Variants in AGBL1 observed in about 807,000 individuals in gnomAD.
The protein encoded by AGBL1 is AGBL carboxypeptidase 1, also known as cytosolic carboxypeptidase 4.
AGBL1 carries 130 observed loss-of-function variants against 118.9 expected under a neutral mutation model. The ratio of observed to expected loss-of-function variants is 1.09; its 90% CI spans 0.95 to 1.26. The LOEUF is 1.26. Ranked by LOEUF, AGBL1 falls within the 50% of genes most tolerant of loss-of-function variation. The pLI is 0.00. For synonymous variants in AGBL1, 555 were observed against 478.9 expected, an observed-to-expected ratio of 1.16 and a Z score of -2.08; for missense variants, 1,584 against 1,298.1, an observed-to-expected ratio of 1.22 and a Z score of -3.38.
chr15:86,989,892 C>T (rs2081321807), intron 24 of AGBL1, among the ~76,000 whole-genome samples: 1 of 152,112 alleles, frequency 6.6e-6, no homozygotes, highest in Admixed American at 6.6e-5. Flanking sequence ...GGCCCTGTGG[C>T]AGAAAGAAGT....
chr15:87,020,040 A>C (rs1203216229), intron 24 of AGBL1, among the ~76,000 whole-genome samples: 4 of 142,688 alleles, frequency 2.8e-5, no homozygotes, highest in African/African-American at 1.1e-4. Flanking sequence ...GGACATATGC[A>C]CCCACCCAAG....
chr15:86,482,970 C>A (rs1346161194), intron 18 of AGBL1, among the ~76,000 whole-genome samples: 1 of 151,894 alleles, frequency 6.6e-6, no homozygotes, highest in African/African-American at 2.4e-5. Context: ...GGAAACATAG[C>A]CTCCAGTCAG....
chr15:86,572,786 C>T (rs1186615903), intron 21 of AGBL1, among the ~76,000 whole-genome samples: 1 of 152,232 alleles, frequency 6.6e-6, no homozygotes, highest in Admixed American at 6.5e-5. Flanking sequence ...GCAGTGGCTG[C>T]TCTGGACGGC....
At position 86,142,036 on chromosome 15, in the gene AGBL1, C is replaced by G; in HGVS notation, c.84C>G (p.Ile28Met). ...SSSDKESILT[I>M]LKVLGDLLSV... The stretch of plus-strand genomic sequence containing the variant: ...CTGACAAGGAGTCCATCCTGACCAT[C>G]CTCAAGGTCCTCGGAGATCTGCTTT... The change falls in exon 2 of 23, where the codon ATC (isoleucine) becomes ATG (methionine). Residue 28 changes from isoleucine (I) to methionine (M), a missense_variant. By Grantham distance (10) the Ile-to-Met change is conservative (BLOSUM62 1). Coordinates refer to ENST00000614907, the MANE Select transcript of AGBL1 (RefSeq NM_001386094.1). 6.5e-7 allele frequency: 1 copy of G among 1,550,286 alleles called. No individual in the cohort carries two copies. Among genetic ancestry groups the G allele is most frequent in the Non-Finnish European group, 8.7e-7 (1 of 1,146,844 alleles).
intron 23 of AGBL1, among the ~76,000 whole-genome samples, chr15:86,977,613 G>C (rs890202194): frequency 6.6e-6 from 1 of 151,654 alleles, no homozygotes; most frequent in Non-Finnish European, 1.5e-5. Flanking sequence ...TTATAGATGA[G>C]ATTTATTTCT....
At chr15:86,105,009 T>A (rs976176975) in intron 1 of AGBL1, 2 of 152,198 alleles carry the variant, frequency 1.3e-5, no homozygotes, top group African/African-American at 4.8e-5. Context: ...CAGGTGATCC[T>A]GGCTGAGAAA....
intron 21 of AGBL1, among the ~76,000 whole-genome samples, chr15:86,670,058 C>T (rs924697770): frequency 2.6e-5 from 4 of 152,020 alleles, no homozygotes; most frequent in East Asian, 3.9e-4. Context: ...TCATTCCTCG[C>T]CTATTAGACA....
chr15:86,845,163 A>T (rs1255705358), intron 22 of AGBL1, among the ~76,000 whole-genome samples: 1 of 152,146 alleles, frequency 6.6e-6, no homozygotes, highest in East Asian at 1.9e-4. Context: ...TGTACATTTT[A>T]AAATCTATTT....
chr15:86,619,598 G>A (rs1320159527), intron 21 of AGBL1, among the ~76,000 whole-genome samples: 1 of 152,164 alleles, frequency 6.6e-6, no homozygotes, highest in South Asian at 2.1e-4. Context: ...GCAGTCCTAT[G>A]AGATGGGCTG....
intron 22 of AGBL1, among the ~76,000 whole-genome samples, chr15:86,894,994 T>C (rs141511396): frequency 7.1e-4 from 108 of 152,292 alleles, no homozygotes; most frequent in African/African-American, 2.4e-3. Flanking sequence ...TCTGACCACT[T>C]GCCAGGGACA....
intron 17 of AGBL1, among the ~76,000 whole-genome samples, chr15:86,370,301 C>CTTTTTTTTTTTTTTTTTTTTT (rs5814238): frequency 1.5e-5 from 2 of 131,032 alleles, no homozygotes; most frequent in Non-Finnish European, 3.2e-5. Context: ...GTCTCTATTC[C>CTTTTTTTTTTTTTTTTTTTTT]TTTTTTTTTT....
At chr15:86,443,836 TTATC>T (rs1431380571) in intron 18 of AGBL1, among the ~76,000 whole-genome samples, 2 of 150,244 alleles carry the variant, frequency 1.3e-5, no homozygotes, top group African/African-American at 5.0e-5. Flanking sequence ...CACATTTTCT[TTATC>T]CATCCATTCA....
chr15:87,004,794 T>G (rs1258874228), intron 24 of AGBL1, among the ~76,000 whole-genome samples: 1 of 152,206 alleles, frequency 6.6e-6, no homozygotes, highest in East Asian at 1.9e-4. Context: ...TGATGGTCTT[T>G]CTTTACAATT....
At chr15:86,187,061 C>T (rs914528354) in intron 5 of AGBL1, among the ~76,000 whole-genome samples, 1 of 152,214 alleles carries the variant, frequency 6.6e-6, no homozygotes, top group African/African-American at 2.4e-5. Flanking sequence ...TTTGTAACTG[C>T]TTCTTCGTTT....
At chr15:86,107,964 C>T (rs1464139878) in intron 1 of AGBL1, among the ~76,000 whole-genome samples, 2 of 152,168 alleles carry the variant, frequency 1.3e-5, no homozygotes, top group East Asian at 1.9e-4. Context: ...AGAACCAAGA[C>T]AACAACCAAT....
chr15:86,484,060 C>G (rs2082684741), intron 18 of AGBL1, among the ~76,000 whole-genome samples: 1 of 152,124 alleles, frequency 6.6e-6, no homozygotes, highest in Non-Finnish European at 1.5e-5. Context: ...TACATCTCTC[C>G]TCTTATCTAT....
chr15:86,138,080 C>G (rs1297596601), intron 1 of AGBL1, among the ~76,000 whole-genome samples: 1 of 152,058 alleles, frequency 6.6e-6, no homozygotes, highest in African/African-American at 2.4e-5. Flanking sequence ...TCTATTACAG[C>G]TCGTGAGGTG....
At position 86,947,449 on chromosome 15, in the gene AGBL1, A is replaced by G. The variant is rs558443766; in HGVS notation, c.3222-40538A>G. ...ATTTCATATTTTATGTTGTTCTATG[A>G]CTCAATCATTTGCAGATAAATTATG... On this transcript the variant is annotated intron_variant, in intron 23 of 24. Transcript: ENST00000441037. Among the ~76,000 whole-genome samples the G allele has an allele frequency of 4.9e-4, 74 of 152,282 alleles. 1 individual carries two copies. Among genetic ancestry groups the G allele is most frequent in the Non-Finnish European group, 9.6e-4 (65 of 68,024 alleles).
intron 17 of AGBL1, among the ~76,000 whole-genome samples, chr15:86,356,280 T>C (rs1214230937): frequency 6.6e-6 from 1 of 152,102 alleles, no homozygotes; most frequent in East Asian, 1.9e-4. Flanking sequence ...TAAGACTTTA[T>C]TGTAAGTAGA....
Sources: allele counts gnomAD v4.1 joint callset (sites outside exome capture counted in the v4.1 genomes callset), GRCh38; gene constraint gnomAD v4.1.1; transcripts MANE v1.5; gene names NCBI Gene and HGNC (gene_info 2026-07-23, HGNC 2026-07-21).